The following ATXN1 variants were observed in gnomAD, a reference collection of about 807,000 sequenced individuals.
The protein encoded by ATXN1 is ataxin 1.
A neutral mutation model predicts 56.4 loss-of-function variants in ATXN1; 8 were observed. The ratio of observed to expected loss-of-function variants is 0.14; its 90% confidence interval spans 0.08 to 0.26. The LOEUF (loss-of-function observed/expected upper bound fraction) is 0.26. ATXN1 is among the 10% of genes least tolerant of loss of function. The pLI is 1.00. For synonymous variants in ATXN1, 514 were observed against 494.6 expected, an observed-to-expected ratio of 1.04 and a Z score of -0.52; for missense variants, 987 against 1,106.5, an observed-to-expected ratio of 0.89 and a Z score of 1.53.
intron 2 of ATXN1, among the ~76,000 whole-genome samples, chr6:16,721,334 T>C (rs562605128): frequency 5.1e-4 from 78 of 152,306 alleles, no homozygotes; most frequent in South Asian, 1.4e-3. Flanking sequence ...ATTTGAAATA[T>C]GTACCAAGTG....
At chr6:16,338,068 A>G (rs1761164497) in intron 6 of ATXN1, among the ~76,000 whole-genome samples, 1 of 152,256 alleles carries the variant, frequency 6.6e-6, no homozygotes, top group Non-Finnish European at 1.5e-5. Flanking sequence ...TGATGATAAT[A>G]GATCAATAAT....
At chr6:16,722,325 A>G (rs1209961493) in intron 2 of ATXN1, among the ~76,000 whole-genome samples, 2 of 152,228 alleles carry the variant, frequency 1.3e-5, no homozygotes, top group Non-Finnish European at 2.9e-5. Context: ...GAAATTTTAC[A>G]AGAAAATGAA....
intron 1 of ATXN1, chr6:16,761,075 C>T (rs1581434043): frequency 2.8e-6 from 1 of 356,372 alleles, no homozygotes. Context: ...TACACACACA[C>T]ACACACACAC....
chr6:16,684,863 T>C (rs1758884148), intron 2 of ATXN1, among the ~76,000 whole-genome samples: 1 of 152,150 alleles, frequency 6.6e-6, no homozygotes, highest in Non-Finnish European at 1.5e-5. Flanking sequence ...TTTTTTTTTT[T>C]TGAAGAATTA....
rs187302117 is a variant in ATXN1 at position 16,352,892 on chromosome 6, G to C, written c.-160-24422C>G. ...TGTAACAGTATGCCAGCATCACTAA[G>C]TGCTTTGGGACCATCATTAAGTAAA... On this transcript the variant is annotated intron_variant, in intron 6 of 7. Coordinates refer to ENST00000436367, the MANE Select transcript of ATXN1 (RefSeq NM_001128164.2). Among the ~76,000 whole-genome samples the C allele has an allele frequency of 9.3e-4, 142 of 152,258 alleles. 1 individual carries two copies. The highest frequency in any genetic ancestry group is 3.0e-3 in the African/African-American group (124 of 41,538).
In ATXN1 at chr6:16,549,572, T is replaced by A. The variant is rs192262231; in HGVS notation, c.-360-26884A>T. Among the ~76,000 whole-genome samples the A allele has an allele frequency of 2.6e-5, 4 of 152,216 alleles. No homozygotes were observed. In the East Asian group the frequency reaches 7.7e-4, roughly 29 times the overall value. On this transcript the variant is annotated intron_variant, in intron 4 of 7. Transcript: ENST00000436367. ...CAGAGGATACCACCGATGCCCCAGG[T>A]TGTCCACTACTGCTTAAAGGGCACA...
chr6:16,459,623 CT>C (rs1321974511), intron 6 of ATXN1, among the ~76,000 whole-genome samples: 1 of 152,194 alleles, frequency 6.6e-6, no homozygotes, highest in African/African-American at 2.4e-5. Flanking sequence ...AGGATGCTGC[CT>C]TCTGCGTTCC....
chr6:16,443,635 T>C (rs1261410066), intron 6 of ATXN1, among the ~76,000 whole-genome samples: 1 of 152,218 alleles, frequency 6.6e-6, no homozygotes, highest in Non-Finnish European at 1.5e-5. Context: ...GCAATGTCAC[T>C]GGCATTTTTG....
chr6:16,349,579 C>T (rs1470254888), intron 6 of ATXN1, among the ~76,000 whole-genome samples: 4 of 152,086 alleles, frequency 2.6e-5, no homozygotes, highest in Admixed American at 2.6e-4. Context: ...GCATCATAGA[C>T]ACCAGTCAGC....
intron 4 of ATXN1, among the ~76,000 whole-genome samples, chr6:16,542,155 A>G (rs1761727041): frequency 6.6e-6 from 1 of 152,006 alleles, no homozygotes; most frequent in African/African-American, 2.4e-5. Context: ...CCTTTTCCCC[A>G]CTGCCTGAGT....
rs760254240 is a variant in ATXN1 at position 16,591,822 on chromosome 6, G to C, written c.-488-5915C>G. On this transcript the variant is annotated intron_variant, in intron 3 of 7. Transcript: ENST00000436367. Reference sequence around the variant, plus strand: ...ATACTCTTATGACTATGGTGAAAAGGCCACTAATTGTGATTTCAACTTAAA... The same window carrying C: ...ATACTCTTATGACTATGGTGAAAAGCCCACTAATTGTGATTTCAACTTAAA... Among the ~76,000 whole-genome samples the C allele has an allele frequency of 2.6e-5, 4 of 151,406 alleles. No individual in the cohort carries two copies. The South Asian group carries it at 8.4e-4, about 32-fold the overall frequency.
intron 5 of ATXN1, among the ~76,000 whole-genome samples, chr6:16,516,404 G>A (rs1245185669): frequency 1.3e-5 from 2 of 152,190 alleles, no homozygotes; most frequent in Non-Finnish European, 2.9e-5. Context: ...TTAGGACATA[G>A]CAGGTGACAA....
intron 4 of ATXN1, among the ~76,000 whole-genome samples, chr6:16,547,142 A>G (rs796638370): frequency 6.6e-5 from 10 of 152,342 alleles, no homozygotes; most frequent in Non-Finnish European, 1.2e-4. Context: ...TATTCTCACG[A>G]AAGTGTCCAA....
intron 5 of ATXN1, among the ~76,000 whole-genome samples, chr6:16,519,748 C>A (rs992048940): frequency 6.6e-6 from 1 of 152,226 alleles, no homozygotes; most frequent in Non-Finnish European, 1.5e-5. Flanking sequence ...ATTGCTAAGA[C>A]AGGCAGGTGC....
At chr6:16,586,526 C>G (rs1332598884) in intron 3 of ATXN1, among the ~76,000 whole-genome samples, 2 of 152,150 alleles carry the variant, frequency 1.3e-5, no homozygotes, top group Admixed American at 1.3e-4. Flanking sequence ...ACACATTGCC[C>G]CACTCCACTG....
At chr6:16,385,225 T>C (rs1758213256) in intron 6 of ATXN1, among the ~76,000 whole-genome samples, 1 of 152,168 alleles carries the variant, frequency 6.6e-6, no homozygotes, top group African/African-American at 2.4e-5. Context: ...TGCCCTTCTC[T>C]CCCCAAGATA....
At chr6:16,332,584 CAA>C (rs1473952743) in intron 6 of ATXN1, among the ~76,000 whole-genome samples, 1 of 152,098 alleles carries the variant, frequency 6.6e-6, no homozygotes, top group African/African-American at 2.4e-5. Context: ...GGGCCATGCA[CAA>C]TTATATCAAT....
chr6:16,340,340 T>C (rs1761217848), intron 6 of ATXN1, among the ~76,000 whole-genome samples: 1 of 152,208 alleles, frequency 6.6e-6, no homozygotes, highest in South Asian at 2.1e-4. Flanking sequence ...CAGTAGCAAT[T>C]GAGCTCCAAT....
intron 3 of ATXN1, among the ~76,000 whole-genome samples, chr6:16,610,246 T>C (rs1349122856): frequency 6.6e-6 from 1 of 150,548 alleles, no homozygotes; most frequent in Non-Finnish European, 1.5e-5. Context: ...ACTGAAGAAA[T>C]ACAGAGTAAA....
Sources: allele counts gnomAD v4.1 joint callset (sites outside exome capture counted in the v4.1 genomes callset), GRCh38; gene constraint gnomAD v4.1.1; transcripts MANE v1.5; gene names NCBI Gene and HGNC (gene_info 2026-07-23, HGNC 2026-07-21).